Variants in ANO3 observed in about 807,000 individuals in gnomAD.
ANO3 encodes the protein anoctamin 3.
ANO3 carries 99 observed loss-of-function variants against 144.8 expected under a neutral mutation model. That is an observed-to-expected ratio of 0.68 (90% CI 0.58 to 0.81). ANO3 has a LOEUF of 0.81. ANO3 is among the 30% of genes least tolerant of loss of function. The pLI, the probability that ANO3 is intolerant of heterozygous loss-of-function variation, is 0.00. For missense variants in ANO3, 905 were observed against 1,202.2 expected, an observed-to-expected ratio of 0.75 and a Z score of 3.66; for synonymous variants, 414 against 392.6, an observed-to-expected ratio of 1.05 and a Z score of -0.64.
rs293937 is a variant in ANO3, at chr11:26,531,155, T to C, written c.738-50T>C. The C allele has an allele frequency of 1, 1,599,184 of 1,602,730 alleles. 797,899 individuals are homozygous for C. The highest frequency in any genetic ancestry group is 1 in the East Asian group (44,721 of 44,722). On this transcript the variant is annotated intron_variant, in intron 7 of 26. Coordinates refer to ENST00000256737, the MANE Select transcript of ANO3 (RefSeq NM_031418.4). The stretch of plus-strand genomic sequence containing the variant: ...AGTGAATTGTAGTGGAAGGTAGTCA[T>C]GGCTTTGGAATACAACCTAATCTAG...
chr11:26,291,187 C>A (rs997443808), intron 1 of ANO3, among the ~76,000 whole-genome samples: 5 of 152,194 alleles, frequency 3.3e-5, no homozygotes, highest in South Asian at 2.1e-4. Context: ...CTCTTTTGAT[C>A]TTTTTGGTTT....
At chr11:26,232,523 G>A (rs754230582) in intron 1 of ANO3, among the ~76,000 whole-genome samples, 14 of 152,080 alleles carry the variant, frequency 9.2e-5, no homozygotes, top group Non-Finnish European at 2.1e-4. Context: ...ACAAAAGCAA[G>A]CAATAGGGAA....
chr11:26,414,588 C>T (rs564460384), intron 1 of ANO3, among the ~76,000 whole-genome samples: 12 of 150,956 alleles, frequency 7.9e-5, no homozygotes, highest in Non-Finnish European at 1.3e-4. Context: ...TGGGGCCTGT[C>T]GAGGGGTGGG....
At chr11:26,204,083 T>C (rs1363684141) in intron 1 of ANO3, among the ~76,000 whole-genome samples, 2 of 151,742 alleles carry the variant, frequency 1.3e-5, no homozygotes, top group African/African-American at 4.9e-5. Context: ...CTTTTTCTTA[T>C]GGAATGGTTT....
intron 4 of ANO3, among the ~76,000 whole-genome samples, chr11:26,502,848 GGAAAA>G (rs1565065414): frequency 4.2e-5 from 1 of 23,550 alleles, no homozygotes; most frequent in African/African-American, 9.4e-5. Context: ...AAACATTCAG[GGAAAA>G]AAAAAAAAAA....
chr11:26,318,132 T>C (rs556911283), intron 1 of ANO3, among the ~76,000 whole-genome samples: 2 of 152,126 alleles, frequency 1.3e-5, no homozygotes, highest in East Asian at 1.9e-4. Flanking sequence ...AGGGGAGGGA[T>C]AGCATTAGGA....
intron 1 of ANO3, among the ~76,000 whole-genome samples, chr11:26,338,184 G>A (rs1386044513): frequency 1.3e-5 from 2 of 152,044 alleles, no homozygotes; most frequent in East Asian, 3.9e-4. Context: ...CCCATTGAGA[G>A]GTGAAGCCAG....
intron 3 of ANO3, among the ~76,000 whole-genome samples, chr11:26,461,567 TTG>T (rs1859396539): frequency 6.6e-6 from 1 of 152,106 alleles, no homozygotes; most frequent in African/African-American, 2.4e-5. Context: ...GAAGGCAGAA[TTG>T]TGTTTGCCAC....
intron 1 of ANO3, among the ~76,000 whole-genome samples, chr11:26,239,002 T>A (rs977183081): frequency 6.7e-6 from 1 of 149,548 alleles, no homozygotes; most frequent in Non-Finnish European, 1.5e-5. Context: ...AATGTTAATA[T>A]TTAAAATTAT....
chr11:26,201,636 A>T (rs898450436), intron 1 of ANO3, among the ~76,000 whole-genome samples: 3 of 152,068 alleles, frequency 2.0e-5, no homozygotes, highest in South Asian at 2.1e-4. Flanking sequence ...TAACAAGTGA[A>T]TCATAAGTGG....
chr11:26,657,875 C>G (rs544613682), intron 26 of ANO3, among the ~76,000 whole-genome samples: 1 of 152,256 alleles, frequency 6.6e-6, no homozygotes, highest in East Asian at 1.9e-4. Context: ...AATCCTTTGT[C>G]AGGTGGATAG....
chr11:26,636,898 G>A (rs1486465483), intron 20 of ANO3, among the ~76,000 whole-genome samples: 3 of 152,194 alleles, frequency 2.0e-5, no homozygotes, highest in African/African-American at 7.2e-5. Context: ...TTTATCATCT[G>A]CAGAGTGAAG....
At chr11:26,640,722 A>G (rs1853121240) in intron 21 of ANO3, among the ~76,000 whole-genome samples, 1 of 152,118 alleles carries the variant, frequency 6.6e-6, no homozygotes, top group Non-Finnish European at 1.5e-5. Context: ...TCCTAAGGGC[A>G]CCATGGCACA....
intron 1 of ANO3, among the ~76,000 whole-genome samples, chr11:26,227,883 T>C (rs377762751): frequency 1.3e-5 from 2 of 152,188 alleles, no homozygotes; most frequent in East Asian, 1.9e-4. Flanking sequence ...AACCTAATTA[T>C]ACAAGCAATG....
At chr11:26,294,857 C>G (rs1248752752) in intron 1 of ANO3, among the ~76,000 whole-genome samples, 1 of 152,080 alleles carries the variant, frequency 6.6e-6, no homozygotes, top group Non-Finnish European at 1.5e-5. Flanking sequence ...AGGCTTTCAG[C>G]TGGGTCATTT....
intron 5 of ANO3, among the ~76,000 whole-genome samples, chr11:26,512,635 A>G (rs569804425): frequency 2.0e-5 from 3 of 152,366 alleles, no homozygotes; most frequent in African/African-American, 7.2e-5. Context: ...TTACAAAATG[A>G]GAAATATTAT....
rs554197766 is a variant in ANO3 at position 26,451,421 on chromosome 11, C to T, written c.313+7585C>T. Among the ~76,000 whole-genome samples the T allele has an allele frequency of 3.3e-5, 5 of 152,340 alleles. No individual in the cohort carries two copies. In the East Asian group the frequency reaches 9.7e-4, roughly 29 times the overall value. ...TCCGACGGGCTTAAAAAACGGCACA[C>T]CAGGAGATTAAATCCTGCACCTGGC... On this transcript the variant is annotated intron_variant, in intron 3 of 26. Coordinates refer to ENST00000256737, the MANE Select transcript of ANO3 (RefSeq NM_031418.4).
chr11:26,220,904 A>T (rs576980439), intron 1 of ANO3, among the ~76,000 whole-genome samples: 1 of 152,274 alleles, frequency 6.6e-6, no homozygotes, highest in African/African-American at 2.4e-5. Flanking sequence ...TTTCATATTT[A>T]GGTCACCCCT....
chr11:26,634,775 A>T (rs1158144169), intron 19 of ANO3, among the ~76,000 whole-genome samples: 1 of 152,210 alleles, frequency 6.6e-6, no homozygotes, highest in Non-Finnish European at 1.5e-5. Context: ...TCTCTATGTG[A>T]GGGTCGGAAA....
Sources: allele counts gnomAD v4.1 joint callset (sites outside exome capture counted in the v4.1 genomes callset), GRCh38; gene constraint gnomAD v4.1.1; transcripts MANE v1.5; gene names NCBI Gene and HGNC (gene_info 2026-07-23, HGNC 2026-07-21).